Variants in GRID2 observed in about 807,000 individuals in gnomAD.
The protein encoded by GRID2 is glutamate receptor ionotropic, delta-2.
Under a neutral mutation model 114.8 loss-of-function variants are expected in GRID2, and 33 were observed. The observed-to-expected ratio is 0.29, with a 90% confidence interval of 0.22 to 0.38. The LOEUF is 0.38. Among genes scored for constraint, GRID2 ranks in the 10% least tolerant of loss-of-function variants. GRID2 has a pLI of 1.00. For missense variants in GRID2, 1,184 were observed against 1,257.7 expected (o/e 0.94, Z 0.89); for synonymous variants, 505 against 449.9 (o/e 1.12, Z -1.55).
chr4:93,464,038 T>C (rs556607405), intron 11 of GRID2, among the ~76,000 whole-genome samples: 2 of 152,264 alleles, frequency 1.3e-5, no homozygotes, highest in South Asian at 4.1e-4. Flanking sequence ...TAAAATAGTA[T>C]TGTCTGAAAT....
chr4:92,967,191 A>G (rs1036614337), intron 2 of GRID2, among the ~76,000 whole-genome samples: 1 of 151,912 alleles, frequency 6.6e-6, no homozygotes, highest in Non-Finnish European at 1.5e-5. Flanking sequence ...TAAATCTGGG[A>G]GCCTTGTGAA....
chr4:93,237,686 G>A (rs939933256), intron 7 of GRID2, among the ~76,000 whole-genome samples: 1 of 151,812 alleles, frequency 6.6e-6, no homozygotes, highest in African/African-American at 2.4e-5. Flanking sequence ...AAACAAGAAA[G>A]AGAGAAGTAT....
At chr4:92,889,704 T>C (rs558948348) in intron 2 of GRID2, among the ~76,000 whole-genome samples, 2 of 152,174 alleles carry the variant, frequency 1.3e-5, no homozygotes, top group Admixed American at 6.5e-5. Flanking sequence ...AAGTAATTTA[T>C]AGATTCAATA....
chr4:93,763,960 A>G (rs1027714973), intron 14 of GRID2, among the ~76,000 whole-genome samples: 1 of 152,212 alleles, frequency 6.6e-6, no homozygotes, highest in Non-Finnish European at 1.5e-5. Context: ...ACTTATTGAC[A>G]GCGATGGTAT....
At chr4:93,284,704 A>G (rs188305175) in intron 8 of GRID2, among the ~76,000 whole-genome samples, 1 of 151,884 alleles carries the variant, frequency 6.6e-6, no homozygotes, top group Non-Finnish European at 1.5e-5. Context: ...ATATATAATT[A>G]TATGGTGACA....
At chr4:93,223,820 A>G (rs1745168195) in intron 6 of GRID2, among the ~76,000 whole-genome samples, 1 of 152,158 alleles carries the variant, frequency 6.6e-6, no homozygotes, top group African/African-American at 2.4e-5. Flanking sequence ...TGATTAATTG[A>G]CAGTATAAAT....
intron 1 of GRID2, among the ~76,000 whole-genome samples, chr4:92,579,501 TTC>T (rs1297248215): frequency 6.6e-6 from 1 of 152,074 alleles, no homozygotes; most frequent in Non-Finnish European, 1.5e-5. Context: ...AGAATATTTT[TTC>T]TCAAGAATGG....
intron 8 of GRID2, among the ~76,000 whole-genome samples, chr4:93,368,353 T>A (rs1762541103): frequency 6.6e-6 from 1 of 152,108 alleles, no homozygotes; most frequent in Non-Finnish European, 1.5e-5. Context: ...TATGTTACAT[T>A]CTTAAGTTAC....
intron 1 of GRID2, among the ~76,000 whole-genome samples, chr4:92,526,158 G>T (rs1387905824): frequency 2.0e-5 from 3 of 151,896 alleles, no homozygotes; most frequent in African/African-American, 7.3e-5. Flanking sequence ...AAGATGGAAG[G>T]ATGGAAGGAA....
chr4:93,566,805 A>G (rs1290034398), intron 13 of GRID2, among the ~76,000 whole-genome samples: 2 of 152,092 alleles, frequency 1.3e-5, no homozygotes, highest in African/African-American at 2.4e-5. Context: ...AAAACTCATC[A>G]AGTTGTGTGA....
intron 8 of GRID2, among the ~76,000 whole-genome samples, chr4:93,298,690 T>C (rs1023254558): frequency 6.6e-6 from 1 of 152,258 alleles, no homozygotes; most frequent in South Asian, 2.1e-4. Context: ...CACCATTTCT[T>C]GAGGAAGCCT....
chr4:92,786,269 TA>T (rs1320318121), intron 2 of GRID2, among the ~76,000 whole-genome samples: 4 of 151,886 alleles, frequency 2.6e-5, no homozygotes, highest in Admixed American at 6.6e-5. Context: ...TAAATATAAA[TA>T]AAAATAAATT....
intron 14 of GRID2, among the ~76,000 whole-genome samples, chr4:93,704,438 C>T (rs1018163175): frequency 7.9e-5 from 12 of 152,198 alleles, no homozygotes; most frequent in South Asian, 4.1e-4. Flanking sequence ...TTCTCCCATT[C>T]TGTAGGTTGC....
chr4:93,609,223 G>A (rs1740671998), intron 13 of GRID2, among the ~76,000 whole-genome samples: 1 of 87,848 alleles, frequency 1.1e-5, no homozygotes, highest in South Asian at 3.5e-4. Flanking sequence ...CCCTTTGTCA[G>A]ATGAGTAGGT....
At chr4:93,724,053 G>A (rs908210051) in intron 14 of GRID2, among the ~76,000 whole-genome samples, 2 of 152,166 alleles carry the variant, frequency 1.3e-5, no homozygotes, top group South Asian at 4.1e-4. Context: ...GCAATAAAAT[G>A]AGTTACTGTT....
chr4:92,338,033 C>G (rs1727276385), intron 1 of GRID2, among the ~76,000 whole-genome samples: 1 of 151,944 alleles, frequency 6.6e-6, no homozygotes, highest in Non-Finnish European at 1.5e-5. Flanking sequence ...AGAAGAAGCA[C>G]CAACAGTATC....
intron 2 of GRID2, among the ~76,000 whole-genome samples, chr4:92,781,550 T>C (rs115722674): frequency 0.013 from 1,967 of 152,200 alleles, 47 homozygotes; most frequent in African/African-American, 0.044. Context: ...ATGATAGAGA[T>C]GGTTGGAAAT....
At chr4:92,546,119 C>T (rs1560702701) in intron 1 of GRID2, among the ~76,000 whole-genome samples, 1 of 152,076 alleles carries the variant, frequency 6.6e-6, no homozygotes, top group Non-Finnish European at 1.5e-5. Flanking sequence ...ATTTATCTGG[C>T]ACAGTTAATT....
At chr4:93,145,644 CTTTTTTTTTTTTTTTTT>C (rs10605313) in intron 4 of GRID2, among the ~76,000 whole-genome samples, 16 of 45,708 alleles carry the variant, frequency 3.5e-4, no homozygotes, top group African/African-American at 1.4e-3. Context: ...TTCTTTTTTC[CTTTTTTTTTTTTTTTTT>C]TTTTTTTTTT....
Sources: allele counts gnomAD v4.1 joint callset (sites outside exome capture counted in the v4.1 genomes callset), GRCh38; gene constraint gnomAD v4.1.1; transcripts MANE v1.5; gene names NCBI Gene and HGNC (gene_info 2026-07-23, HGNC 2026-07-21).